The following GABRG3 variants were observed in gnomAD, a reference collection of about 807,000 sequenced individuals.
GABRG3 encodes gamma-aminobutyric acid receptor subunit gamma-3.
GABRG3 carries 25 observed loss-of-function variants against 48.8 expected under a neutral mutation model. The observed-to-expected ratio is 0.51, with a 90% CI of 0.37 to 0.72. GABRG3 has a LOEUF of 0.72. Ranked by LOEUF, GABRG3 falls within the 30% of genes least tolerant of loss-of-function variation. The pLI, the probability that GABRG3 is intolerant of heterozygous loss-of-function variation, is 0.00. For missense variants in GABRG3, 394 were observed against 577.9 expected, an observed-to-expected ratio of 0.68 and a Z score of 3.26; for synonymous variants, 227 against 217.6, an observed-to-expected ratio of 1.04 and a Z score of -0.38.
chr15:27,114,707 A>T (rs1897612057), intron 3 of GABRG3, among the ~76,000 whole-genome samples: 1 of 152,198 alleles, frequency 6.6e-6, no homozygotes, highest in Admixed American at 6.5e-5. Context: ...GTGATTTAAA[A>T]TTGAAAGCAG....
At chr15:27,320,530 C>T (rs991686214) in intron 3 of GABRG3, among the ~76,000 whole-genome samples, 21 of 152,248 alleles carry the variant, frequency 1.4e-4, no homozygotes, top group Non-Finnish European at 1.9e-4. Context: ...GGTCCTATTT[C>T]CAATAATGCT....
intron 3 of GABRG3, chr15:27,295,016 A>G (rs1595647338): frequency 6.6e-6 from 1 of 152,226 alleles, no homozygotes; most frequent in Non-Finnish European, 1.5e-5. Flanking sequence ...CGAAGGACAA[A>G]TGAAGCACTG....
chr15:26,975,475 C>T lies in GABRG3; in HGVS notation c.54-1527C>T, dbSNP rs4887532. On this transcript the variant is annotated intron_variant, in intron 1 of 9. Transcript: ENST00000615808. This position sits in a 1 kb window ranked among gnomAD's most constrained non-coding sequence, Gnocchi z 4.6. ...CATTCTTTGAGACATATGCCGTATACTCATTGTCAACATCTCTCATTTATG... is the reference window on the plus strand; with the variant it reads ...CATTCTTTGAGACATATGCCGTATATTCATTGTCAACATCTCTCATTTATG... 0.014 allele frequency among the ~76,000 whole-genome samples: 2,163 copies of T among 152,210 alleles called. 59 individuals carry two copies. The highest frequency in any genetic ancestry group is 0.049 in the African/African-American group (2,048 of 41,520).
At chr15:27,216,587 GA>G (rs1202896931) in intron 3 of GABRG3, among the ~76,000 whole-genome samples, 2 of 152,036 alleles carry the variant, frequency 1.3e-5, no homozygotes, top group African/African-American at 4.8e-5. Context: ...GCACATTTCT[GA>G]AACACCCTCC....
intron 3 of GABRG3, among the ~76,000 whole-genome samples, chr15:27,185,532 G>A (rs929485700): frequency 2.0e-5 from 3 of 152,068 alleles, no homozygotes; most frequent in African/African-American, 7.2e-5. Flanking sequence ...TAGAGTTTTC[G>A]GTATATGTCA....
intron 3 of GABRG3, among the ~76,000 whole-genome samples, chr15:27,029,437 GCA>G (rs10564490): frequency 0.61 from 91,311 of 150,536 alleles, 27,647 homozygotes; most frequent in East Asian, 0.67. Context: ...TGTTTAAAAT[GCA>G]CACACACACA....
intron 2 of GABRG3, among the ~76,000 whole-genome samples, chr15:27,005,955 CAG>C (rs1895575948): frequency 6.6e-6 from 1 of 152,146 alleles, no homozygotes; most frequent in South Asian, 2.1e-4. Context: ...AGCAGTGCAT[CAG>C]AGTGACCATC....
At chr15:27,397,836 G>A (rs1006323336) in intron 5 of GABRG3, among the ~76,000 whole-genome samples, 1 of 136,474 alleles carries the variant, frequency 7.3e-6, no homozygotes, top group South Asian at 2.3e-4. Flanking sequence ...ACGGAGTCTC[G>A]CTCTGTGGCC....
At chr15:27,147,624 A>T (rs1898233600) in intron 3 of GABRG3, among the ~76,000 whole-genome samples, 1 of 152,044 alleles carries the variant, frequency 6.6e-6, no homozygotes, top group Non-Finnish European at 1.5e-5. Flanking sequence ...TACCAAGTGT[A>T]TTTCCCATTC....
chr15:27,525,771 A>T (rs1891260979), intron 7 of GABRG3, among the ~76,000 whole-genome samples: 1 of 134,780 alleles, frequency 7.4e-6, no homozygotes, highest in Non-Finnish European at 1.5e-5. Context: ...TGTCCCTGCA[A>T]AGGACATGAT....
At chr15:27,325,169 A>T (rs960772348) in intron 3 of GABRG3, among the ~76,000 whole-genome samples, 13 of 152,166 alleles carry the variant, frequency 8.5e-5, no homozygotes, top group Admixed American at 3.9e-4. Context: ...GCTAGGTTAT[A>T]TGACAGAAAC....
At chr15:27,462,147 C>T (rs749024333) in intron 5 of GABRG3, among the ~76,000 whole-genome samples, 2 of 152,058 alleles carry the variant, frequency 1.3e-5, no homozygotes, top group Non-Finnish European at 2.9e-5. Context: ...CATCTCCTTC[C>T]GGGTCTTATA....
chr15:27,465,369 C>A (rs1327710009), intron 5 of GABRG3, among the ~76,000 whole-genome samples: 2 of 152,210 alleles, frequency 1.3e-5, no homozygotes, highest in African/African-American at 4.8e-5. Context: ...GCGTGACTAA[C>A]CCCTTCCTAC....
At chr15:27,196,534 A>C (rs1381858498) in intron 3 of GABRG3, among the ~76,000 whole-genome samples, 9 of 152,194 alleles carry the variant, frequency 5.9e-5, no homozygotes, top group African/African-American at 2.2e-4. Flanking sequence ...AATATGCTCT[A>C]AACTGCCTCT....
At chr15:27,021,382 TC>T (rs1041109476) in intron 2 of GABRG3, among the ~76,000 whole-genome samples, 3 of 152,186 alleles carry the variant, frequency 2.0e-5, no homozygotes, top group African/African-American at 7.2e-5. Flanking sequence ...AGACCTGCCT[TC>T]CAATGACCAG....
At chr15:27,371,109 A>G (rs891971892) in intron 5 of GABRG3, among the ~76,000 whole-genome samples, 3 of 152,138 alleles carry the variant, frequency 2.0e-5, no homozygotes, top group Non-Finnish European at 4.4e-5. Flanking sequence ...CAGTACACCA[A>G]GTTCCATTGT....
chr15:27,312,407 T>C (rs1893027431), intron 3 of GABRG3, among the ~76,000 whole-genome samples: 1 of 152,126 alleles, frequency 6.6e-6, no homozygotes, highest in African/African-American at 2.4e-5. Context: ...AATTTTTTTC[T>C]AAATCTGAAG....
intron 5 of GABRG3, among the ~76,000 whole-genome samples, chr15:27,454,296 T>C (rs1407004911): frequency 6.6e-6 from 1 of 152,204 alleles, no homozygotes; most frequent in Non-Finnish European, 1.5e-5. Context: ...TCTGTCCCTC[T>C]GCCTGCACAG....
In GABRG3 at chr15:27,177,200, G is replaced by A. The variant is rs557636362; in HGVS notation, c.271-149609G>A. Among the ~76,000 whole-genome samples, 167 of 152,282 alleles carry A rather than the reference G, an allele frequency of 1.1e-3. 1 individual carries two copies. Among genetic ancestry groups the A allele is most frequent in the Admixed American group, 5.0e-3 (76 of 15,310 alleles). ...CAATTTCTTGGGCAGCAGCTTATAG[G>A]ACTGGTTGAGTCAGATCCTTGGTAT... is the stretch of plus-strand genomic sequence containing the variant. On this transcript the variant is annotated intron_variant, in intron 3 of 9. Transcript: ENST00000615808.
Sources: gnomAD v4.1 joint callset for allele counts (sites outside exome capture counted in the v4.1 genomes callset) on GRCh38, gnomAD v4.1.1 for gene constraint, Gnocchi (gnomAD v3.1) non-coding constraint, MANE v1.5 for transcripts, NCBI Gene and HGNC (gene_info 2026-07-23, HGNC 2026-07-21) for gene names.